Variants in MAGI1 observed in about 807,000 individuals in gnomAD.
MAGI1 encodes membrane associated guanylate kinase, WW and PDZ domain containing 1, also known as membrane-associated guanylate kinase, WW and PDZ domain-containing protein 1.
In MAGI1, 58 loss-of-function variants were observed where a neutral mutation model predicts 139.9. That is an observed-to-expected ratio of 0.41 (90% CI 0.34 to 0.52). MAGI1 has a LOEUF of 0.52. MAGI1 is among the 20% of genes least tolerant of loss of function. MAGI1 has a pLI of 0.12. For synonymous variants in MAGI1, 812 were observed against 737.9 expected, an observed-to-expected ratio of 1.10 and a Z score of -1.63; for missense variants, 1,874 against 1,901.6, an observed-to-expected ratio of 0.99 and a Z score of 0.27.
chr3:65,764,613 T>C (rs770302808), intron 1 of MAGI1, among the ~76,000 whole-genome samples: 3 of 152,192 alleles, frequency 2.0e-5, no homozygotes, highest in Non-Finnish European at 4.4e-5. Context: ...CACCTCACTC[T>C]ACAGAATGCT....
At chr3:65,864,495 C>G (rs922456783) in intron 1 of MAGI1, among the ~76,000 whole-genome samples, 6 of 152,214 alleles carry the variant, frequency 3.9e-5, no homozygotes, top group Admixed American at 3.9e-4. Flanking sequence ...CCTGGACTGT[C>G]AAGGCCACCC....
chr3:65,907,055 CAAA>C (rs35828237), intron 1 of MAGI1, among the ~76,000 whole-genome samples: 1 of 115,828 alleles, frequency 8.6e-6, no homozygotes, highest in African/African-American at 3.2e-5. Context: ...CTCTTGTTTA[CAAA>C]AAAAAAAAAA....
At chr3:66,019,127 C>A (rs1284868122) in intron 1 of MAGI1, among the ~76,000 whole-genome samples, 1 of 152,166 alleles carries the variant, frequency 6.6e-6, no homozygotes. Flanking sequence ...TGATTACACT[C>A]CAGTGGAACA....
At chr3:65,933,889 G>A (rs1382277931) in intron 1 of MAGI1, among the ~76,000 whole-genome samples, 1 of 152,136 alleles carries the variant, frequency 6.6e-6, no homozygotes, top group Non-Finnish European at 1.5e-5. Flanking sequence ...ACTTTGGGAG[G>A]CCGAGGTGGG....
chr3:66,032,364 C>G (rs1412202813), intron 1 of MAGI1, among the ~76,000 whole-genome samples: 1 of 149,484 alleles, frequency 6.7e-6, no homozygotes, highest in Non-Finnish European at 1.5e-5. Flanking sequence ...GCGCCCACCA[C>G]CACGCCCGGC....
chr3:65,851,850 T>C (rs1488665125), intron 1 of MAGI1, among the ~76,000 whole-genome samples: 2 of 152,214 alleles, frequency 1.3e-5, no homozygotes, highest in African/African-American at 4.8e-5. Context: ...CGAATGTTTA[T>C]GTTCAGTAAT....
At chr3:65,670,348 G>GTA (rs35439311) in intron 1 of MAGI1, among the ~76,000 whole-genome samples, 62,493 of 149,796 alleles carry the variant, frequency 0.42, 14,474 homozygotes, top group Non-Finnish European at 0.54. Flanking sequence ...TGCCATGTGT[G>GTA]TATATATATA....
chr3:65,523,137 A>G (rs2078236724), intron 2 of MAGI1, among the ~76,000 whole-genome samples: 1 of 152,192 alleles, frequency 6.6e-6, no homozygotes, highest in Admixed American at 6.5e-5. Flanking sequence ...TATGTTTGCC[A>G]GAGTCTTTTA....
intron 1 of MAGI1, among the ~76,000 whole-genome samples, chr3:65,871,408 T>C (rs1217620007): frequency 6.6e-6 from 1 of 152,188 alleles, no homozygotes; most frequent in Non-Finnish European, 1.5e-5. Context: ...TGCTCCAGGA[T>C]TGGGACAGCG....
Position 65,930,315 on chromosome 3 carries a change from CA to C in MAGI1, c.313+107680del, listed in dbSNP as rs58258730. Among the ~76,000 whole-genome samples, 640 of 87,572 alleles carry C rather than the reference CA, an allele frequency of 7.3e-3. 3 individuals carry two copies. The highest frequency in any genetic ancestry group is 0.014 in the South Asian group (34 of 2,512). 57.5% of individuals were successfully genotyped at this position (87,572 alleles called of 152,430 possible). A position where few individuals can be genotyped will look rare whatever the true frequency, so the allele number is the denominator to read the frequency against. ...TGGGCGAAAGAGCAAGACTCCGTCT[CA>C]AAAAAAAAAAAAAAAAAAAAAAAAA... On this transcript the variant is annotated intron_variant, in intron 1 of 22. Coordinates refer to ENST00000402939, the MANE Select transcript of MAGI1 (RefSeq NM_001033057.2).
intron 1 of MAGI1, among the ~76,000 whole-genome samples, chr3:65,973,312 C>A (rs1266569161): frequency 6.6e-6 from 1 of 152,216 alleles, no homozygotes; most frequent in South Asian, 2.1e-4. Flanking sequence ...AGTTCTCTAA[C>A]CTGGTATTTT....
At chr3:65,524,104 G>T (rs973326058) in intron 2 of MAGI1, among the ~76,000 whole-genome samples, 1 of 152,120 alleles carries the variant, frequency 6.6e-6, no homozygotes, top group Non-Finnish European at 1.5e-5. Flanking sequence ...AAGGAAGAAA[G>T]GTAGGAAGGA....
At position 65,361,303 on chromosome 3, in the gene MAGI1, G is replaced by A. The variant is rs1339810393; in HGVS notation, c.3530C>T (p.Thr1177Ile). The A allele has an allele frequency of 6.2e-7, 1 of 1,614,038 alleles. No homozygotes were observed. The highest frequency in any genetic ancestry group is 1.7e-5 in the Admixed American group (1 of 60,012). ...GDEILEINGE[T>I]TKNMKHSRAI... Reference sequence around the variant, plus strand: ...TCGAGAATGCTTCATGTTTTTGGTGGTCTCACCATTGATCTCTAAAATTTC... The same window carrying A: ...TCGAGAATGCTTCATGTTTTTGGTGATCTCACCATTGATCTCTAAAATTTC... Residue 1177 changes from threonine (T) to isoleucine (I), a missense_variant, in exon 22 of 23, where the codon ACC (threonine) becomes ATC (isoleucine). This residue lies in a region of MAGI1 where 653 missense variants were observed against 644.5 expected (regional missense o/e 1.01). Coordinates refer to ENST00000402939, the MANE Select transcript of MAGI1 (RefSeq NM_001033057.2).
intron 1 of MAGI1, among the ~76,000 whole-genome samples, chr3:65,658,101 C>T (rs570241679): frequency 1.1e-4 from 16 of 152,258 alleles, no homozygotes; most frequent in African/African-American, 3.9e-4. Flanking sequence ...AGGAAAATCA[C>T]GAACTTTATC....
intron 2 of MAGI1, among the ~76,000 whole-genome samples, chr3:65,514,537 A>G (rs2107770389): frequency 6.6e-6 from 1 of 150,562 alleles, no homozygotes; most frequent in Non-Finnish European, 1.5e-5. Flanking sequence ...ACATTTATGC[A>G]GCCAAAAAAC....
chr3:65,551,426 G>T (rs546539681), intron 2 of MAGI1, among the ~76,000 whole-genome samples: 1 of 152,072 alleles, frequency 6.6e-6, no homozygotes, highest in Non-Finnish European at 1.5e-5. Flanking sequence ...TCAGCTCCCC[G>T]AGTGGCTGGG....
chr3:65,415,238 C>T (rs1946119238), intron 12 of MAGI1, among the ~76,000 whole-genome samples: 1 of 152,164 alleles, frequency 6.6e-6, no homozygotes, highest in Non-Finnish European at 1.5e-5. Context: ...CTTTTCTCTA[C>T]TCCAGACAAC....
chr3:65,614,945 C>T (rs749077375), intron 2 of MAGI1, among the ~76,000 whole-genome samples: 22 of 151,612 alleles, frequency 1.5e-4, no homozygotes, highest in Middle Eastern at 3.4e-3. Flanking sequence ...TCACTTGAGC[C>T]CAGGAGTTGG....
chr3:65,718,622 GAA>G (rs1474683089), intron 1 of MAGI1: 1 of 152,090 alleles, frequency 6.6e-6, no homozygotes, highest in Non-Finnish European at 1.5e-5. Flanking sequence ...AGCCTGTGAT[GAA>G]AGATGACAAA....
Sources: gnomAD v4.1 joint callset for allele counts (sites outside exome capture counted in the v4.1 genomes callset) on GRCh38, gnomAD v4.1.1 for gene constraint, gnomAD v4.1.1 regional missense constraint, MANE v1.5 for transcripts, NCBI Gene and HGNC (gene_info 2026-07-23, HGNC 2026-07-21) for gene names.